Variants in PLCB4 observed in about 807,000 individuals in gnomAD.
PLCB4 encodes phospholipase C beta 4, also known as 1-phosphatidylinositol 4,5-bisphosphate phosphodiesterase beta-4.
PLCB4 carries 77 observed loss-of-function variants against 178.8 expected under a neutral mutation model. The ratio of observed to expected loss-of-function variants is 0.43; its 90% CI spans 0.36 to 0.52. PLCB4 has a LOEUF of 0.52. Ranked by LOEUF, PLCB4 falls within the 20% of genes least tolerant of loss-of-function variation. The pLI, the probability that PLCB4 is intolerant of heterozygous loss-of-function variation, is 0.00. For missense variants in PLCB4, 1,024 were observed against 1,453.4 expected, an observed-to-expected ratio of 0.70 and a Z score of 4.80; for synonymous variants, 496 against 490.8, an observed-to-expected ratio of 1.01 and a Z score of -0.14.
At position 9,384,190 on chromosome 20, in the gene PLCB4, T is replaced by C. The variant is rs774261061; in HGVS notation, c.854-11T>C. ...GCTACAAGTGCTACTAAGATGTTCTTTTTCCCCTAGGCCTTATATCAAGTG... is the reference window on the plus strand; with the variant it reads ...GCTACAAGTGCTACTAAGATGTTCTCTTTCCCCTAGGCCTTATATCAAGTG... On this transcript the variant is annotated splice_polypyrimidine_tract_variant and intron_variant, in intron 13 of 39. Transcript: ENST00000378473. 4.4e-6 allele frequency: 7 copies of C among 1,603,880 alleles called. No homozygotes were observed. Among genetic ancestry groups the C allele is most frequent in the Non-Finnish European group, 6.0e-6 (7 of 1,170,846 alleles).
At chr20:9,095,487 GA>G (rs2090871847) in intron 1 of PLCB4, among the ~76,000 whole-genome samples, 1 of 152,130 alleles carries the variant, frequency 6.6e-6, no homozygotes, top group African/African-American at 2.4e-5. Flanking sequence ...ATTTTAATTA[GA>G]TTTGACCGGA....
chr20:9,469,665 C>T (rs1165497640), intron 36 of PLCB4, among the ~76,000 whole-genome samples: 1 of 152,200 alleles, frequency 6.6e-6, no homozygotes, highest in African/African-American at 2.4e-5. Flanking sequence ...AGATTTGTCC[C>T]TCTTTGAAGC....
chr20:9,292,063 A>G (rs1319598296), intron 3 of PLCB4, among the ~76,000 whole-genome samples: 1 of 152,174 alleles, frequency 6.6e-6, no homozygotes. Flanking sequence ...AAATAGTTTT[A>G]AAATAAAGAA....
Position 9,478,981 on chromosome 20 carries a change from G to C in PLCB4, c.3593G>C (p.Ser1198Thr). ...GSRDGPQTSN[S>T]SMKLQNAN ...CGAGATGGACCGCAGACCAGCAACA[G>C]TAGTATGAAACTCCAAAATGCAAAC... The change falls in exon 40 of 40, where the codon AGT (serine) becomes ACT (threonine). Residue 1198 changes from serine to threonine, a missense_variant. Coordinates refer to ENST00000378473, the MANE Select transcript of PLCB4 (RefSeq NM_001377142.1). The C allele has an allele frequency of 6.2e-7, 1 of 1,613,512 alleles. No individual in the cohort carries two copies. The highest frequency in any genetic ancestry group is 1.7e-4 in the Middle Eastern group (1 of 6,056).
At chr20:9,163,529 T>G (rs1450079328) in intron 2 of PLCB4, among the ~76,000 whole-genome samples, 3 of 151,804 alleles carry the variant, frequency 2.0e-5, no homozygotes, top group Non-Finnish European at 4.4e-5. Context: ...GATTATACAG[T>G]ATCCTCCATG....
At chr20:9,278,773 G>T (rs1320311005) in intron 3 of PLCB4, among the ~76,000 whole-genome samples, 1 of 152,090 alleles carries the variant, frequency 6.6e-6, no homozygotes, top group Non-Finnish European at 1.5e-5. Flanking sequence ...CATGATGGCA[G>T]CCGACACATA....
At chr20:9,449,213 T>A (rs529480017) in intron 32 of PLCB4, among the ~76,000 whole-genome samples, 1 of 152,282 alleles carries the variant, frequency 6.6e-6, no homozygotes, top group East Asian at 1.9e-4. Flanking sequence ...CTCATTGGGA[T>A]CCAGAGCTGC....
chr20:9,084,631 T>C (rs2090315557), intron 1 of PLCB4, among the ~76,000 whole-genome samples: 1 of 152,018 alleles, frequency 6.6e-6, no homozygotes, highest in Non-Finnish European at 1.5e-5. Flanking sequence ...TATGAATGAG[T>C]TATTTTATTT....
At chr20:9,417,664 C>A (rs2040346556) in intron 25 of PLCB4, among the ~76,000 whole-genome samples, 1 of 152,136 alleles carries the variant, frequency 6.6e-6, no homozygotes, top group African/African-American at 2.4e-5. Flanking sequence ...TATGAATGTT[C>A]ATATGCAAGT....
At chr20:9,165,239 G>A (rs1050435384) in intron 2 of PLCB4, among the ~76,000 whole-genome samples, 15 of 152,298 alleles carry the variant, frequency 9.8e-5, no homozygotes, top group African/African-American at 3.4e-4. Context: ...GTAATGCAAA[G>A]CATATACTAA....
chr20:9,271,216 T>A (rs943429315), intron 3 of PLCB4, among the ~76,000 whole-genome samples: 4 of 152,166 alleles, frequency 2.6e-5, no homozygotes. Context: ...TACATCTTAT[T>A]TGAAAGCAGG....
At chr20:9,300,494 A>G (rs2094689987) in intron 3 of PLCB4, among the ~76,000 whole-genome samples, 1 of 152,200 alleles carries the variant, frequency 6.6e-6, no homozygotes, top group East Asian at 1.9e-4. Context: ...GGAATAAAAA[A>G]TGAAGAACAC....
chr20:9,459,865 A>C, intron 35 of PLCB4, 55 bp downstream of exon 35: 1 of 1,250,840 alleles, frequency 8.0e-7, no homozygotes, highest in Non-Finnish European at 1.1e-6. Context: ...ACAAAAGCTG[A>C]TTTTGTGTGT....
intron 3 of PLCB4, among the ~76,000 whole-genome samples, chr20:9,244,099 C>T (rs1184223147): frequency 1.3e-5 from 2 of 152,148 alleles, no homozygotes; most frequent in African/African-American, 4.8e-5. Flanking sequence ...TCTCCCTGAT[C>T]CCTAATCTTG....
At chr20:9,113,820 C>T (rs1230236474) in intron 2 of PLCB4, among the ~76,000 whole-genome samples, 1 of 152,044 alleles carries the variant, frequency 6.6e-6, no homozygotes. Flanking sequence ...TAATAGAATG[C>T]CAAACAAATT....
intron 2 of PLCB4, among the ~76,000 whole-genome samples, chr20:9,206,219 G>A (rs910753119): frequency 2.0e-5 from 3 of 151,328 alleles, no homozygotes; most frequent in African/African-American, 7.3e-5. Context: ...GGGAGCAGTG[G>A]CTTTAAAAAA....
intron 7 of PLCB4, among the ~76,000 whole-genome samples, chr20:9,339,881 G>A (rs35629764): frequency 0.067 from 10,149 of 152,190 alleles, 363 homozygotes; most frequent in Middle Eastern, 0.089. Context: ...GAGACTTCTC[G>A]AAGAAGTAGA....
intron 32 of PLCB4, among the ~76,000 whole-genome samples, chr20:9,445,778 G>T (rs2042379250): frequency 1.3e-5 from 2 of 152,184 alleles, no homozygotes; most frequent in Non-Finnish European, 2.9e-5. Flanking sequence ...TTGACAACAG[G>T]CTGAACTATG....
intron 4 of PLCB4, among the ~76,000 whole-genome samples, chr20:9,309,790 T>C (rs1309455126): frequency 1.3e-5 from 2 of 152,218 alleles, no homozygotes; most frequent in East Asian, 1.9e-4. Flanking sequence ...AGAGATTCAT[T>C]TGAATCCTTC....
Sources: gnomAD v4.1 joint callset for allele counts (sites outside exome capture counted in the v4.1 genomes callset) on GRCh38, gnomAD v4.1.1 for gene constraint, MANE v1.5 for transcripts, NCBI Gene and HGNC (gene_info 2026-07-23, HGNC 2026-07-21) for gene names.